The following TAF4 variants were observed in gnomAD, a reference collection of about 807,000 sequenced individuals.
TAF4 encodes TATA-box binding protein associated factor 4, also known as transcription initiation factor TFIID subunit 4.
Under a neutral mutation model 90.3 loss-of-function variants are expected in TAF4, and 9 were observed. The ratio of observed to expected loss-of-function variants is 0.10; its 90% CI spans 0.06 to 0.17. The LOEUF (loss-of-function observed/expected upper bound fraction) is 0.17. Among genes scored for constraint, TAF4 ranks in the 10% least tolerant of loss-of-function variants. The probability of loss-of-function intolerance (pLI) is 1.00; values close to 1 mark genes in which losing one functional copy is unlikely to be tolerated. For missense variants in TAF4, 1,351 were observed against 1,370.7 expected, an observed-to-expected ratio of 0.99 and a Z score of 0.23; for synonymous variants, 818 against 638.9, an observed-to-expected ratio of 1.28 and a Z score of -4.23.
intron 1 of TAF4, among the ~76,000 whole-genome samples, chr20:62,027,399 G>C (rs1055603060): frequency 6.6e-6 from 1 of 152,176 alleles, no homozygotes; most frequent in African/African-American, 2.4e-5. Context: ...GCAATTCGGT[G>C]ACTGTTTTGT....
In TAF4 at chr20:62,000,644, G is replaced by A. The variant is rs755495702; in HGVS notation, c.2564C>T (p.Thr855Met). The A allele has an allele frequency of 1.2e-6, 2 of 1,614,254 alleles. No homozygotes were observed. Among genetic ancestry groups the A allele is most frequent in the Admixed American group, 1.7e-5 (1 of 60,032 alleles). ...LSEESARILA[T>M]NSELVGTLTR... ...TAGCGTGCCCACCAATTCAGAGTTC[G>A]TGGCTAATATTCTTGCACTTTCTTC... The change falls in exon 10 of 15, where the codon ACG becomes ATG. Residue 855 changes from threonine (T) to methionine (M), a missense_variant. Thr to Met is a moderately conservative substitution (Grantham distance 81). Coordinates refer to ENST00000252996, the MANE Select transcript of TAF4 (RefSeq NM_003185.4).
intron 9 of TAF4, among the ~76,000 whole-genome samples, chr20:62,002,214 C>T (rs2055710182): frequency 6.6e-6 from 1 of 152,200 alleles, no homozygotes; most frequent in Admixed American, 6.5e-5. Context: ...CACGCTGGGC[C>T]CAGGCATGCT....
intron 1 of TAF4, among the ~76,000 whole-genome samples, chr20:62,032,880 C>G (rs6061966): frequency 0.7 from 105,682 of 152,010 alleles, 36,896 homozygotes; most frequent in Middle Eastern, 0.78. Context: ...TCCGATCAAT[C>G]CGATTCATCA....
At chr20:62,057,111 C>A (rs2056069059) in intron 1 of TAF4, among the ~76,000 whole-genome samples, 1 of 152,210 alleles carries the variant, frequency 6.6e-6, no homozygotes, top group Non-Finnish European at 1.5e-5. Flanking sequence ...CACTTTACTG[C>A]AAAGTCAGAA....
rs1351804932 is a variant in TAF4, at chr20:62,064,948, G to A, written c.863C>T (p.Ala288Val). 3.8e-6 allele frequency: 2 copies of A among 521,340 alleles called. No homozygotes were observed. Among genetic ancestry groups the A allele is most frequent in the African/African-American group, 2.2e-5 (1 of 45,016 alleles). The allele number at this position is 521,340 out of a possible 1,614,324, so 32.3% of individuals were successfully genotyped here. Residue 288 changes from alanine to valine, a missense_variant, in exon 1 of 15, where the codon GCC (alanine) becomes GTC (valine). Physicochemically the swap from Ala to Val is moderately conservative, Grantham distance 64 (BLOSUM62 0). Transcript: ENST00000252996. ...ATLARPPGHPAGPPTAAPAVP... is the reference protein window; with the variant it reads ...ATLARPPGHPVGPPTAAPAVP... The stretch of plus-strand genomic sequence containing the variant: ...GGCGGGCGCGGCGGTCGGGGGTCCG[G>A]CGGGGTGGCCGGGCGGCCGGGCCAG...
intron 1 of TAF4, among the ~76,000 whole-genome samples, chr20:62,053,882 C>T (rs1428864661): frequency 1.3e-5 from 2 of 152,242 alleles, no homozygotes; most frequent in Admixed American, 6.5e-5. Context: ...ACCAGGAGTG[C>T]CTCTTGGCCA....
At chr20:61,993,442 G>A (rs1351216106) in intron 14 of TAF4, among the ~76,000 whole-genome samples, 1 of 152,198 alleles carries the variant, frequency 6.6e-6, no homozygotes, top group African/African-American at 2.4e-5. Context: ...CAGGCCAAAC[G>A]ACCTGGTCCT....
At chr20:61,990,739 A>C (rs927140477) in intron 14 of TAF4, among the ~76,000 whole-genome samples, 1 of 152,194 alleles carries the variant, frequency 6.6e-6, no homozygotes, top group Non-Finnish European at 1.5e-5. Context: ...AGTACTGAGC[A>C]GGACAGGGAC....
At chr20:62,032,146 T>TC (rs2055907959) in intron 1 of TAF4, among the ~76,000 whole-genome samples, 1 of 152,210 alleles carries the variant, frequency 6.6e-6, no homozygotes, top group African/African-American at 2.4e-5. Context: ...TAAAAACAGT[T>TC]AGTGAAGTCA....
chr20:62,029,486 GCACA>G lies in TAF4; in HGVS notation c.1361-14783_1361-14780del, dbSNP rs56056225. Among the ~76,000 whole-genome samples the G allele has an allele frequency of 4.2e-3, 611 of 146,186 alleles. 4 individuals are homozygous for G. The highest frequency in any genetic ancestry group is 5.3e-3 in the Non-Finnish European group (356 of 66,838). Reference sequence around the variant, plus strand: ...GCCCAGTGCCCACGTGCGCGCGCGCGCACACACACACACACACACACTCATACAT... The same window carrying G: ...GCCCAGTGCCCACGTGCGCGCGCGCGCACACACACACACACACTCATACAT... On this transcript the variant is annotated intron_variant, in intron 1 of 14. Transcript: ENST00000252996.
At position 62,061,347 on chromosome 20, in the gene TAF4, C is replaced by T. The variant is rs554252292; in HGVS notation, c.1360+3104G>A. Among the ~76,000 whole-genome samples the T allele has an allele frequency of 3.9e-5, 6 of 152,342 alleles. No homozygotes were observed. The South Asian group carries it at 1.2e-3, about 32-fold the overall frequency. ...ACAGACACACATTCACCTGGGAGTA[C>T]TCATCCTAAAACATGCAGCAAGCAC... is the stretch of plus-strand genomic sequence containing the variant. On this transcript the variant is annotated intron_variant, in intron 1 of 14. Transcript: ENST00000252996.
chr20:62,017,040 C>T (rs1256633768), intron 1 of TAF4, among the ~76,000 whole-genome samples: 1 of 151,776 alleles, frequency 6.6e-6, no homozygotes, highest in Non-Finnish European at 1.5e-5. Context: ...ACTTGGGAGG[C>T]TAGGGTGGGA....
chr20:61,999,268 G>A (rs1472125286), intron 11 of TAF4, among the ~76,000 whole-genome samples, 160 bp from the exon 12 acceptor site: 3 of 148,714 alleles, frequency 2.0e-5, no homozygotes, highest in African/African-American at 4.9e-5. Flanking sequence ...TGCTGCGCCC[G>A]AGAGCTCTAT....
chr20:61,982,365 C>T (rs2055553121), intron 14 of TAF4, among the ~76,000 whole-genome samples: 1 of 82,696 alleles, frequency 1.2e-5, no homozygotes, highest in African/African-American at 4.3e-5. Flanking sequence ...GACACCAAAC[C>T]CATACCCACC....
chr20:61,992,019 C>T lies in TAF4; in HGVS notation c.3090+5531G>A, dbSNP rs572619053. On this transcript the variant is annotated intron_variant, in intron 14 of 14. Coordinates refer to ENST00000252996, the MANE Select transcript of TAF4 (RefSeq NM_003185.4). ...AATACAACGTGAGCCAAAAAACAGA[C>T]CTTCAGGTACAAAGGGCACAAACTC... 3.8e-4 allele frequency among the ~76,000 whole-genome samples: 58 copies of T among 152,288 alleles called. No homozygotes were observed. In the East Asian group the frequency reaches 0.01, roughly 27 times the overall value.
chr20:62,014,539 G>C lies in TAF4; in HGVS notation c.1521+8C>G, dbSNP rs760754351. 1 of 1,602,984 alleles carries C rather than the reference G, an allele frequency of 6.2e-7. No individual in the cohort carries two copies. The highest frequency in any genetic ancestry group is 1.1e-5 in the South Asian group (1 of 90,274). On this transcript the variant is annotated splice_region_variant and intron_variant, in intron 2 of 14. Transcript: ENST00000252996. ...GGGGTTCGCACTCCAGGGCACACGT[G>C]CACTCACCTGTACGGTGGAGATCTG... is the stretch of plus-strand genomic sequence containing the variant.
intron 1 of TAF4, among the ~76,000 whole-genome samples, chr20:62,029,675 A>T (rs1469060945): frequency 6.6e-6 from 1 of 152,160 alleles, no homozygotes; most frequent in Non-Finnish European, 1.5e-5. Context: ...TGGGAGGCCG[A>T]GGCAGGCGGA....
rs1419111916 is a variant in TAF4 at position 61,983,705 on chromosome 20, A to G, written c.3091-7370T>C. 2.0e-5 allele frequency among the ~76,000 whole-genome samples: 3 copies of G among 152,248 alleles called. No homozygotes were observed. In the East Asian group the frequency reaches 5.8e-4, roughly 29 times the overall value. On this transcript the variant is annotated intron_variant, in intron 14 of 14. Coordinates refer to ENST00000252996, the MANE Select transcript of TAF4 (RefSeq NM_003185.4). Reference sequence around the variant, plus strand: ...TTACATAATTATAAAATATTATGATAGAGTCAAGACAAAACATGTCAGTCC... The same window carrying G: ...TTACATAATTATAAAATATTATGATGGAGTCAAGACAAAACATGTCAGTCC...
intron 1 of TAF4, among the ~76,000 whole-genome samples, chr20:62,028,105 C>T (rs1166804161): frequency 6.6e-6 from 1 of 152,196 alleles, no homozygotes; most frequent in Non-Finnish European, 1.5e-5. Context: ...CTCCCTAAAG[C>T]ACTGAGCAGA....
Sources: gnomAD v4.1 joint callset for allele counts (sites outside exome capture counted in the v4.1 genomes callset) on GRCh38, gnomAD v4.1.1 for gene constraint, MANE v1.5 for transcripts, NCBI Gene and HGNC (gene_info 2026-07-23, HGNC 2026-07-21) for gene names.